Variants in NTM observed in about 807,000 individuals in gnomAD.
NTM encodes the protein neurotrimin.
Under a neutral mutation model 42.1 loss-of-function variants are expected in NTM, and 13 were observed. The ratio of observed to expected loss-of-function variants is 0.31; its 90% confidence interval spans 0.20 to 0.49. The LOEUF is 0.49. Among genes scored for constraint, NTM ranks in the 20% least tolerant of loss-of-function variants. The pLI is 0.99. For missense variants in NTM, 373 were observed against 452.8 expected (o/e 0.82, Z 1.60); for synonymous variants, 187 against 179.2 (o/e 1.04, Z -0.35).
At position 131,704,306 on chromosome 11, in the gene NTM, C is replaced by T. The variant is rs1032190576; in HGVS notation, c.83-207258C>T. On this transcript the variant is annotated intron_variant, in intron 1 of 8. Coordinates refer to ENST00000683400, the MANE Select transcript of NTM (RefSeq NM_001352005.2). ...AGGCTCATCCATGGGGACCAAGGCT[C>T]TAGTCTTGCCCTCACAGATCCAGGC... Among the ~76,000 whole-genome samples the T allele has an allele frequency of 2.6e-5, 4 of 152,302 alleles. 1 individual carries two copies. In the South Asian group the frequency reaches 8.3e-4, roughly 32 times the overall value.
rs551053526 is a variant in NTM, at chr11:132,117,401, C to T, written c.168-28881C>T. 6.6e-4 allele frequency among the ~76,000 whole-genome samples: 101 copies of T among 152,322 alleles called. 1 individual carries two copies. In the South Asian group the frequency reaches 0.015, roughly 23 times the overall value. ...TCTGTGCCCCACCTTGCTTGGCTTC[C>T]TGGCCATGTGATGGACAATACCAAG... On this transcript the variant is annotated intron_variant, in intron 2 of 8. Transcript: ENST00000683400.
At chr11:131,464,559 A>G (rs1413285312) in intron 1 of NTM, among the ~76,000 whole-genome samples, 2 of 150,016 alleles carry the variant, frequency 1.3e-5, no homozygotes, top group Non-Finnish European at 3.0e-5. Flanking sequence ...CTTCCTTTTC[A>G]CTCTCCTTTT....
chr11:131,900,753 G>A (rs2053035082), intron 1 of NTM, among the ~76,000 whole-genome samples: 1 of 152,126 alleles, frequency 6.6e-6, no homozygotes, highest in African/African-American at 2.4e-5. Flanking sequence ...TTCAGCAGTT[G>A]GTTGCATGAA....
chr11:131,375,352 ACATG>A (rs1941821040), intron 1 of NTM, among the ~76,000 whole-genome samples: 1 of 152,222 alleles, frequency 6.6e-6, no homozygotes, highest in Admixed American at 6.5e-5. Flanking sequence ...TTGTCTTGTT[ACATG>A]TTTACTTTAT....
At chr11:131,425,409 G>C (rs569223213) in intron 1 of NTM, among the ~76,000 whole-genome samples, 1 of 152,206 alleles carries the variant, frequency 6.6e-6, no homozygotes, top group Non-Finnish European at 1.5e-5. Flanking sequence ...TGATGTTAAG[G>C]CTCAAAGACA....
intron 1 of NTM, among the ~76,000 whole-genome samples, chr11:131,727,816 A>G (rs2079141758): frequency 6.6e-6 from 1 of 152,086 alleles, no homozygotes. Context: ...AACCACCTCC[A>G]TTGTCTTTCT....
chr11:131,622,433 C>T (rs1300162621), intron 1 of NTM, among the ~76,000 whole-genome samples: 1 of 152,140 alleles, frequency 6.6e-6, no homozygotes, highest in East Asian at 1.9e-4. Flanking sequence ...TGCTCCGTGT[C>T]GCCAAGATTC....
chr11:131,422,217 T>G (rs1947611609), intron 1 of NTM, among the ~76,000 whole-genome samples: 1 of 152,178 alleles, frequency 6.6e-6, no homozygotes, highest in Non-Finnish European at 1.5e-5. Flanking sequence ...AACAGTCACA[T>G]TTGAATGTTT....
rs141757934 is a variant in NTM, at chr11:131,689,204, G to A, written c.83-222360G>A. ...CCTGGGAGCCAGTGCACTGCCTGTG[G>A]CTCAGCATGAGGCAGCGGGGAGGGC... On this transcript the variant is annotated intron_variant, in intron 1 of 8. Coordinates refer to ENST00000683400, the MANE Select transcript of NTM (RefSeq NM_001352005.2). Among the ~76,000 whole-genome samples the A allele has an allele frequency of 2.6e-5, 4 of 152,202 alleles. No individual in the cohort carries two copies. The East Asian group carries it at 7.7e-4, about 29-fold the overall frequency.
chr11:131,391,401 C>T (rs745359464), intron 1 of NTM, among the ~76,000 whole-genome samples: 2 of 152,114 alleles, frequency 1.3e-5, no homozygotes, highest in Non-Finnish European at 2.9e-5. Flanking sequence ...ATGTTAATTT[C>T]CCACCTGAGT....
chr11:131,404,112 G>A (rs1291856399), intron 1 of NTM, among the ~76,000 whole-genome samples: 1 of 151,698 alleles, frequency 6.6e-6, no homozygotes, highest in Non-Finnish European at 1.5e-5. Flanking sequence ...CTACAAACAC[G>A]TTTCTGCTCT....
At chr11:131,789,502 A>AG (rs1565551230) in intron 1 of NTM, among the ~76,000 whole-genome samples, 2 of 10,290 alleles carry the variant, frequency 1.9e-4, no homozygotes, top group East Asian at 2.5e-3. Context: ...GGAAAGAAGA[A>AG]GAAGAAGAAG....
At chr11:132,180,001 TCATA>T (rs2077335421) in intron 3 of NTM, among the ~76,000 whole-genome samples, 1 of 152,184 alleles carries the variant, frequency 6.6e-6, no homozygotes, top group Admixed American at 6.5e-5. Context: ...ATGTTATTTT[TCATA>T]CATTTTCAGA....
At chr11:131,480,513 C>A (rs1289002098) in intron 1 of NTM, among the ~76,000 whole-genome samples, 1 of 152,196 alleles carries the variant, frequency 6.6e-6, no homozygotes, top group Non-Finnish European at 1.5e-5. Flanking sequence ...AGCTTGTGTA[C>A]AACTTCCCTA....
rs138046453 is a variant in NTM at position 131,676,771 on chromosome 11, A to G, written c.83-234793A>G. ...TGAACAGCTTCCCTCCATATTTACTATGCACCTTCTAAGAACAAGGCGTCT... is the reference window on the plus strand; with the variant it reads ...TGAACAGCTTCCCTCCATATTTACTGTGCACCTTCTAAGAACAAGGCGTCT... On this transcript the variant is annotated intron_variant, in intron 1 of 8. Transcript: ENST00000683400. Among the ~76,000 whole-genome samples, 5 of 152,302 alleles carry G rather than the reference A, an allele frequency of 3.3e-5. No individual in the cohort carries two copies. The East Asian group carries it at 7.7e-4, about 24-fold the overall frequency.
At chr11:131,670,375 C>T (rs954026697) in intron 1 of NTM, among the ~76,000 whole-genome samples, 7 of 151,668 alleles carry the variant, frequency 4.6e-5, no homozygotes, top group African/African-American at 1.5e-4. Context: ...TCCTTCCTTC[C>T]TTCCTTTCTT....
intron 1 of NTM, among the ~76,000 whole-genome samples, chr11:131,893,369 G>A (rs1479420415): frequency 6.6e-6 from 1 of 152,204 alleles, no homozygotes; most frequent in East Asian, 1.9e-4. Context: ...GAGTTGCTTT[G>A]TTGGCAGGTT....
intron 1 of NTM, among the ~76,000 whole-genome samples, chr11:131,389,058 A>G (rs1475730220): frequency 6.6e-6 from 1 of 152,002 alleles, no homozygotes; most frequent in Admixed American, 6.5e-5. Flanking sequence ...AGGAAAAAGA[A>G]AGATGGTGGT....
intron 1 of NTM, among the ~76,000 whole-genome samples, chr11:131,433,675 G>T (rs1948872723): frequency 6.6e-6 from 1 of 152,062 alleles, no homozygotes; most frequent in South Asian, 2.1e-4. Context: ...TTAGAAATGT[G>T]CCTCTCTGAT....
Sources: allele counts gnomAD v4.1 joint callset (sites outside exome capture counted in the v4.1 genomes callset), GRCh38; gene constraint gnomAD v4.1.1; transcripts MANE v1.5; gene names NCBI Gene and HGNC (gene_info 2026-07-23, HGNC 2026-07-21).